HMCN2: variants seen among roughly 807,000 people sequenced by gnomAD.
The protein encoded by HMCN2 is hemicentin 2.
In HMCN2, 325 loss-of-function variants were observed where a neutral mutation model predicts 377.5. The ratio of observed to expected loss-of-function variants is 0.86; its 90% confidence interval spans 0.79 to 0.94. HMCN2 has a LOEUF of 0.94. Among genes scored for constraint, HMCN2 ranks in the 40% least tolerant of loss-of-function variants. The pLI is 0.00. For synonymous variants in HMCN2, 2,007 were observed against 2,046.8 expected, an observed-to-expected ratio of 0.98 and a Z score of 0.53; for missense variants, 4,543 against 4,725.3, an observed-to-expected ratio of 0.96 and a Z score of 1.13.
Position 130,299,074 on chromosome 9 carries a change from C to T in HMCN2, c.1062C>T (p.Gly354=), listed in dbSNP as rs1011852709. 5.1e-5 allele frequency: 24 copies of T among 470,976 alleles called. No individual in the cohort carries two copies. Among genetic ancestry groups the T allele is most frequent in the African/African-American group, 4.8e-4 (24 of 50,062 alleles). The allele number at this position is 470,976 out of a possible 1,614,324, so 29.2% of individuals were successfully genotyped here. The change falls in exon 8 of 98, where the codon GGC becomes GGT. Residue 354 remains glycine (G), a synonymous_variant. Transcript: ENST00000683500. ...VINSTGLKAP[G]RLDSVELAQS... is the part of the protein sequence containing the mutation. ...ATTCCACGGGCCTGAAGGCACCCGG[C>T]CGCCTAGACTCGGTGGAGCTGGCAC...
rs1839723895 is a variant in HMCN2, at chr9:130,351,684, G to T, written c.4585+107G>T. On this transcript the variant is annotated intron_variant, in intron 30 of 97. Coordinates refer to ENST00000683500, the MANE Select transcript of HMCN2 (RefSeq NM_001291815.2). This position sits in a 1 kb window ranked among gnomAD's most constrained non-coding sequence, Gnocchi z 5.4. ...AGTGAGGGCTGAAATGGGGGACCTG[G>T]TGAGTGATCCCTGAGTCCAAGAAAG... The T allele has an allele frequency of 3.0e-6, 3 of 995,052 alleles. No homozygotes were observed. The highest frequency in any genetic ancestry group is 4.0e-6 in the Non-Finnish European group (3 of 754,024). 61.6% of individuals were successfully genotyped at this position (995,052 alleles called of 1,614,324 possible).
intron 43 of HMCN2, among the ~76,000 whole-genome samples, chr9:130,367,085 C>T (rs1208000916): frequency 6.6e-6 from 1 of 151,848 alleles, no homozygotes; most frequent in African/African-American, 2.4e-5. Context: ...GTGCAAGGGT[C>T]CTGGGGCAGG....
intron 1 of HMCN2, among the ~76,000 whole-genome samples, chr9:130,277,021 G>A (rs2131239210): frequency 6.6e-6 from 1 of 152,378 alleles, no homozygotes; most frequent in East Asian, 1.9e-4. Flanking sequence ...GGTTCTGAGT[G>A]CCTGACTGCA....
intron 87 of HMCN2, among the ~76,000 whole-genome samples, chr9:130,424,007 T>C (rs963620187): frequency 6.6e-6 from 1 of 151,834 alleles, no homozygotes; most frequent in East Asian, 1.9e-4. Context: ...TGAGACTGCT[T>C]CTCGCTTTGT....
chr9:130,408,726 G>C lies in HMCN2; in HGVS notation c.12689-17G>C. Reference sequence around the variant, plus strand: ...CAACCTCTTTTCTGACAACTTGCTCGATGTCACCCCATGCAGAGGCTCCTG... The same window carrying C: ...CAACCTCTTTTCTGACAACTTGCTCCATGTCACCCCATGCAGAGGCTCCTG... On this transcript the variant is annotated splice_polypyrimidine_tract_variant and intron_variant, in intron 83 of 97. Transcript: ENST00000683500. The C allele has an allele frequency of 7.8e-7, 1 of 1,278,384 alleles. No homozygotes were observed. Among genetic ancestry groups the C allele is most frequent in the Non-Finnish European group, 1.0e-6 (1 of 980,580 alleles). The allele number at this position is 1,278,384 out of a possible 1,614,324, so 79.2% of individuals were successfully genotyped here.
chr9:130,339,876 C>G (rs1413332343), intron 23 of HMCN2, among the ~76,000 whole-genome samples: 1 of 152,170 alleles, frequency 6.6e-6, no homozygotes, highest in African/African-American at 2.4e-5. Flanking sequence ...CTCAGTGTCC[C>G]TCGAGGGTCC....
chr9:130,316,466 AGCCCCTCCTGTCCCCTC>A (rs1837567123), intron 15 of HMCN2, among the ~76,000 whole-genome samples: 1 of 152,080 alleles, frequency 6.6e-6, no homozygotes, highest in South Asian at 2.1e-4. Context: ...TGCAGGCGGC[AGCCCCTCCTGTCCCCTC>A]GCCCCATCCC....
In HMCN2 at chr9:130,369,694, C is replaced by T. The variant is rs1451675176; in HGVS notation, c.6912C>T (p.Asp2304=). ...CTCCGACAGTGACATGGGAGCGGGACGGCCAGCCCGTGGGGGCTGAACTGG... is the reference window on the plus strand; with the variant it reads ...CTCCGACAGTGACATGGGAGCGGGATGGCCAGCCCGTGGGGGCTGAACTGG... ...KPPPTVTWER[D]GQPVGAELGL... Residue 2304 remains aspartate, a synonymous_variant, in exon 45 of 98, where the codon GAC becomes GAT. Coordinates refer to ENST00000683500, the MANE Select transcript of HMCN2 (RefSeq NM_001291815.2). This position sits in a 1 kb window ranked among gnomAD's most constrained non-coding sequence, Gnocchi z 4.5. 1.0e-5 allele frequency: 10 copies of T among 985,884 alleles called. No homozygotes were observed. The highest frequency in any genetic ancestry group is 4.7e-5 in the South Asian group (1 of 21,300). 61.1% of individuals were successfully genotyped at this position (985,884 alleles called of 1,614,324 possible).
At position 130,422,212 on chromosome 9, in the gene HMCN2, G is replaced by A. The variant is rs972171180; in HGVS notation, c.13232-365G>A. On this transcript the variant is annotated intron_variant, in intron 86 of 97. Transcript: ENST00000683500. The surrounding 1 kb of genome is among the most constrained non-coding windows in gnomAD (Gnocchi z 4.2). ...GCCAGCCACGCCATCGTGGGCTCCC[G>A]GCATTTCAGAGACCCACAGGTCTTC... 1.7e-4 allele frequency among the ~76,000 whole-genome samples: 26 copies of A among 152,330 alleles called. No homozygotes were observed. The highest frequency in any genetic ancestry group is 5.8e-4 in the African/African-American group (24 of 41,574).
chr9:130,358,678 A>ATT (rs112129650), intron 36 of HMCN2, among the ~76,000 whole-genome samples, 192 bp downstream of exon 36: 27 of 146,314 alleles, frequency 1.8e-4, no homozygotes, highest in African/African-American at 4.2e-4. Flanking sequence ...TTTTGGCGGG[A>ATT]TTTTTTTTTT....
rs183695506 is a variant in HMCN2, at chr9:130,390,912, G to A, written c.9524-65G>A. 3.1e-5 allele frequency: 30 copies of A among 970,028 alleles called. No homozygotes were observed. The East Asian group carries it at 2.9e-3, about 93-fold the overall frequency. The allele number at this position is 970,028 out of a possible 1,614,324, so 60.1% of individuals were successfully genotyped here. A position where few individuals can be genotyped will look rare whatever the true frequency, so the allele number is the denominator to read the frequency against. The stretch of plus-strand genomic sequence containing the variant: ...TATAAGAAGGCGCCTCTGCCTCTGT[G>A]GGGCTCAGTTTCCTATGAGCACAAG... On this transcript the variant is annotated intron_variant, in intron 62 of 97. Coordinates refer to ENST00000683500, the MANE Select transcript of HMCN2 (RefSeq NM_001291815.2).
At chr9:130,275,798 T>C (rs1391572365) in intron 1 of HMCN2, among the ~76,000 whole-genome samples, 1 of 152,122 alleles carries the variant, frequency 6.6e-6, no homozygotes, top group Non-Finnish European at 1.5e-5. Context: ...AAACCATCAG[T>C]CCTTCTTCTG....
chr9:130,346,412 C>A (rs1008780403), intron 25 of HMCN2, among the ~76,000 whole-genome samples: 27 of 152,026 alleles, frequency 1.8e-4, no homozygotes, highest in Admixed American at 1.4e-3. Flanking sequence ...TGTGCACAGA[C>A]CAACATGGGG....
chr9:130,274,562 G>C (rs1315877961), intron 1 of HMCN2, among the ~76,000 whole-genome samples: 2 of 152,050 alleles, frequency 1.3e-5, no homozygotes, highest in Non-Finnish European at 2.9e-5. Context: ...AGCTTTTTCA[G>C]TTAATAATCC....
At chr9:130,378,771 G>A (rs1841536779) in intron 53 of HMCN2, among the ~76,000 whole-genome samples, 1 of 152,082 alleles carries the variant, frequency 6.6e-6, no homozygotes, top group South Asian at 2.1e-4. Context: ...TCTAGCTCTG[G>A]CTCTGTCATG....
intron 17 of HMCN2, 127 bp from the exon 18 acceptor site, chr9:130,320,649 C>T (rs1465213788): frequency 6.6e-6 from 1 of 152,292 alleles, no homozygotes; most frequent in Non-Finnish European, 1.5e-5. Flanking sequence ...TCCTGTGACC[C>T]TTTAGGATCC....
At chr9:130,373,848 TTGGA>T (rs1387303413) in intron 48 of HMCN2, among the ~76,000 whole-genome samples, 2 of 124,564 alleles carry the variant, frequency 1.6e-5, no homozygotes, top group African/African-American at 6.2e-5. Context: ...TGAATGAGGG[TTGGA>T]TGGATGGATG....
intron 84 of HMCN2, among the ~76,000 whole-genome samples, chr9:130,409,552 T>C (rs1353617308): frequency 6.6e-6 from 1 of 152,214 alleles, no homozygotes; most frequent in Non-Finnish European, 1.5e-5. Context: ...GTAGTAATGA[T>C]AATAGGACTA....
chr9:130,313,662 G>A (rs1046178625), intron 15 of HMCN2, among the ~76,000 whole-genome samples: 2 of 151,992 alleles, frequency 1.3e-5, no homozygotes, highest in African/African-American at 4.8e-5. Flanking sequence ...GAGGTGGGGC[G>A]ACTCGTCACA....
Sources: gnomAD v4.1 joint callset for allele counts (sites outside exome capture counted in the v4.1 genomes callset) on GRCh38, gnomAD v4.1.1 for gene constraint, Gnocchi (gnomAD v3.1) non-coding constraint, MANE v1.5 for transcripts, NCBI Gene and HGNC (gene_info 2026-07-23, HGNC 2026-07-21) for gene names.